The following EPB41 variants were observed in gnomAD, a reference collection of about 807,000 sequenced individuals.
EPB41 encodes the protein protein 4.1.
EPB41 carries 65 observed loss-of-function variants against 108.0 expected under a neutral mutation model. The ratio of observed to expected loss-of-function variants is 0.60; its 90% CI spans 0.49 to 0.74. EPB41 has a LOEUF of 0.74. Ranked by LOEUF, EPB41 falls within the 30% of genes least tolerant of loss-of-function variation. EPB41 has a pLI of 0.00. For synonymous variants in EPB41, 336 were observed against 358.9 expected (o/e 0.94, Z 0.72); for missense variants, 875 against 1,037.0 (o/e 0.84, Z 2.15).
intron 16 of EPB41, among the ~76,000 whole-genome samples, chr1:29,095,297 T>C (rs1416150000): frequency 6.6e-6 from 1 of 152,224 alleles, no homozygotes; most frequent in Non-Finnish European, 1.5e-5. Context: ...GTCATTTTAA[T>C]TGTTTACAAA....
chr1:28,980,803 T>TG (rs1311875898), intron 1 of EPB41, among the ~76,000 whole-genome samples: 24 of 150,244 alleles, frequency 1.6e-4, no homozygotes, highest in African/African-American at 5.4e-4. Context: ...AGTTTTTTTT[T>TG]TTTTTTTTTT....
intron 1 of EPB41, among the ~76,000 whole-genome samples, chr1:28,941,444 A>G (rs1197000344): frequency 6.6e-6 from 1 of 152,328 alleles, no homozygotes; most frequent in East Asian, 1.9e-4. Context: ...AGTTCTAGGC[A>G]GGTTTTGTAA....
chr1:29,080,244 G>A (rs1014748301), intron 16 of EPB41, among the ~76,000 whole-genome samples: 1 of 151,294 alleles, frequency 6.6e-6, no homozygotes, highest in African/African-American at 2.4e-5. Context: ...TCAGTCTCCC[G>A]AGTAGCTGGG....
intron 1 of EPB41, chr1:28,982,264 CCAAAA>C: frequency 2.0e-6 from 1 of 496,888 alleles, no homozygotes; most frequent in Non-Finnish European, 3.9e-6. Flanking sequence ...TTTTTAATGA[CCAAAA>C]CAAAGCATCT....
intron 17 of EPB41, among the ~76,000 whole-genome samples, chr1:29,105,207 G>A (rs1258912825): frequency 6.6e-6 from 1 of 152,140 alleles, no homozygotes; most frequent in Non-Finnish European, 1.5e-5. Flanking sequence ...GTAAGTAGAA[G>A]TATACAGTAG....
rs201335332 is a variant in EPB41 at position 29,053,186 on chromosome 1, C to T, written c.1719C>T (p.Gly573=). The change falls in exon 12 of 21, where the codon GGC becomes GGT. Residue 573 remains glycine, a synonymous_variant. Transcript: ENST00000343067. The stretch of plus-strand genomic sequence containing the variant: ...CTCAGGGTCAGGTTGCAGAAGGTGG[C>T]GTCCTAGATGCCTCTGCTAAAAAAA... ...AITQGQVAEG[G]VLDASAKKTV... is the part of the protein sequence containing the mutation. The T allele has an allele frequency of 6.8e-6, 11 of 1,614,108 alleles. No individual in the cohort carries two copies. Among genetic ancestry groups the T allele is most frequent in the Admixed American group, 1.7e-5 (1 of 60,012 alleles).
chr1:28,949,754 C>T (rs1046124278), intron 1 of EPB41, among the ~76,000 whole-genome samples: 1 of 151,848 alleles, frequency 6.6e-6, no homozygotes, highest in African/African-American at 2.4e-5. Flanking sequence ...CAGGTGCATG[C>T]CACCACACCC....
At chr1:29,073,810 T>C (rs530065715) in intron 16 of EPB41, among the ~76,000 whole-genome samples, 1 of 152,336 alleles carries the variant, frequency 6.6e-6, no homozygotes, top group African/African-American at 2.4e-5. Flanking sequence ...GAAAAGATGC[T>C]GACTCTGTTG....
chr1:29,007,174 C>T (rs1481715246), intron 4 of EPB41, among the ~76,000 whole-genome samples: 1 of 151,978 alleles, frequency 6.6e-6, no homozygotes, highest in Non-Finnish European at 1.5e-5. Context: ...TTACTGCATC[C>T]TCCACCTCCC....
intron 17 of EPB41, among the ~76,000 whole-genome samples, chr1:29,105,071 T>C (rs1249518706): frequency 6.6e-6 from 1 of 152,092 alleles, no homozygotes; most frequent in Admixed American, 6.6e-5. Flanking sequence ...CAAGACACAT[T>C]TAGGATACAG....
chr1:29,044,492 T>C (rs1236185773), intron 11 of EPB41, among the ~76,000 whole-genome samples: 1 of 152,136 alleles, frequency 6.6e-6, no homozygotes, highest in Non-Finnish European at 1.5e-5. Flanking sequence ...TTTTTTAAGA[T>C]GTATGGTCTT....
intron 1 of EPB41, among the ~76,000 whole-genome samples, chr1:28,973,078 C>G (rs2095529410): frequency 1.3e-5 from 2 of 152,054 alleles, no homozygotes; most frequent in African/African-American, 4.8e-5. Context: ...AGATACTTTC[C>G]TGTGGTTTTG....
chr1:29,027,368 G>A (rs186608983), intron 7 of EPB41, among the ~76,000 whole-genome samples: 3 of 145,622 alleles, frequency 2.1e-5, no homozygotes, highest in African/African-American at 5.1e-5. Context: ...AGTTTCATTC[G>A]TTGCCCAGGC....
intron 18 of EPB41, among the ~76,000 whole-genome samples, chr1:29,109,988 T>G (rs149543409): frequency 2.1e-3 from 321 of 151,950 alleles, no homozygotes; most frequent in African/African-American, 7.3e-3. Context: ...GAGCAGAGAT[T>G]GCGCCACTGC....
At chr1:29,099,452 A>G (rs577708255) in intron 17 of EPB41, among the ~76,000 whole-genome samples, 56 of 152,086 alleles carry the variant, frequency 3.7e-4, no homozygotes, top group Non-Finnish European at 5.7e-4. Flanking sequence ...TTGCCTCCCA[A>G]GTAGCTGGAA....
intron 4 of EPB41, among the ~76,000 whole-genome samples, chr1:29,001,128 G>A (rs2096285554): frequency 6.6e-6 from 1 of 151,952 alleles, no homozygotes; most frequent in South Asian, 2.1e-4. Context: ...ACCTGAGTTC[G>A]TAACCAGCCT....
At chr1:28,948,155 G>C (rs1274607412) in intron 1 of EPB41, among the ~76,000 whole-genome samples, 1 of 152,152 alleles carries the variant, frequency 6.6e-6, no homozygotes, top group Non-Finnish European at 1.5e-5. Flanking sequence ...TCAAACAACA[G>C]TTCTTAGAAA....
intron 1 of EPB41, among the ~76,000 whole-genome samples, chr1:28,984,203 G>A (rs1388956817): frequency 1.3e-5 from 2 of 152,136 alleles, no homozygotes; most frequent in Non-Finnish European, 2.9e-5. Context: ...GATGGGGTGA[G>A]GTGGGGCCAT....
At chr1:28,961,525 G>C (rs2095213284) in intron 1 of EPB41, among the ~76,000 whole-genome samples, 1 of 152,108 alleles carries the variant, frequency 6.6e-6, no homozygotes, top group South Asian at 2.1e-4. Flanking sequence ...TGCCACTGTA[G>C]GACATTGAAT....
Sources: allele counts gnomAD v4.1 joint callset (sites outside exome capture counted in the v4.1 genomes callset), GRCh38; gene constraint gnomAD v4.1.1; transcripts MANE v1.5; gene names NCBI Gene and HGNC (gene_info 2026-07-23, HGNC 2026-07-21).